Variants in MAN1A1 observed in about 807,000 individuals in gnomAD.
MAN1A1 encodes mannosyl-oligosaccharide 1,2-alpha-mannosidase IA.
Under a neutral mutation model 70.8 loss-of-function variants are expected in MAN1A1, and 29 were observed. The observed-to-expected ratio is 0.41, with a 90% confidence interval of 0.31 to 0.56. The LOEUF (loss-of-function observed/expected upper bound fraction) is 0.56. Ranked by LOEUF, MAN1A1 falls within the 20% of genes least tolerant of loss-of-function variation. MAN1A1 has a pLI of 0.29. For synonymous variants in MAN1A1, 349 were observed against 330.1 expected, an observed-to-expected ratio of 1.06 and a Z score of -0.62; for missense variants, 747 against 841.3, an observed-to-expected ratio of 0.89 and a Z score of 1.39.
At chr6:119,310,694 G>C (rs1772677666) in intron 2 of MAN1A1, among the ~76,000 whole-genome samples, 1 of 152,204 alleles carries the variant, frequency 6.6e-6, no homozygotes, top group Non-Finnish European at 1.5e-5. Context: ...ATACACAGGA[G>C]AAAGGGCTGT....
At chr6:119,186,679 C>T (rs1773299245) in intron 11 of MAN1A1, among the ~76,000 whole-genome samples, 1 of 152,218 alleles carries the variant, frequency 6.6e-6, no homozygotes, top group African/African-American at 2.4e-5. Context: ...TGGTTTCCAG[C>T]TGTGGTCTCA....
intron 11 of MAN1A1, among the ~76,000 whole-genome samples, chr6:119,185,076 C>G (rs977131715): frequency 3.3e-5 from 5 of 152,004 alleles, no homozygotes; most frequent in Admixed American, 2.6e-4. Flanking sequence ...TTTGTAAAGA[C>G]AGGGTGATGA....
At chr6:119,197,895 G>T (rs1773615496) in intron 8 of MAN1A1, among the ~76,000 whole-genome samples, 1 of 152,102 alleles carries the variant, frequency 6.6e-6, no homozygotes, top group Non-Finnish European at 1.5e-5. Context: ...TAGCATACAG[G>T]TGACCCAGAA....
In MAN1A1 at chr6:119,291,388, T is replaced by A. The variant is rs528289996; in HGVS notation, c.817-625A>T. 3.9e-5 allele frequency among the ~76,000 whole-genome samples: 6 copies of A among 152,150 alleles called. 1 individual carries two copies. The East Asian group carries it at 1.2e-3, about 29-fold the overall frequency. On this transcript the variant is annotated intron_variant, in intron 4 of 12. Transcript: ENST00000368468. ...CTTTATCAGCAGTGTGAAAACGGAC[T>A]AATGCAAGAGATAAAAATAATTTTG...
chr6:119,255,076 G>C (rs1775424496), intron 5 of MAN1A1, among the ~76,000 whole-genome samples: 1 of 152,084 alleles, frequency 6.6e-6, no homozygotes, highest in Non-Finnish European at 1.5e-5. Flanking sequence ...CTGTAAACAA[G>C]ACATATGGTT....
At chr6:119,180,246 T>C (rs1562179087) in intron 12 of MAN1A1, 66 bp downstream of exon 12, 1 of 1,088,310 alleles carries the variant, frequency 9.2e-7, no homozygotes, top group South Asian at 1.4e-5. Context: ...GTGTTCATGA[T>C]AAAGACATCT....
chr6:119,203,283 G>A (rs939344249), intron 7 of MAN1A1, among the ~76,000 whole-genome samples: 1 of 152,148 alleles, frequency 6.6e-6, no homozygotes, highest in Non-Finnish European at 1.5e-5. Flanking sequence ...GGAGGTGTTT[G>A]AGCAGAATAT....
chr6:119,278,282 A>C (rs6922115), intron 5 of MAN1A1, among the ~76,000 whole-genome samples: 1 of 151,450 alleles, frequency 6.6e-6, no homozygotes, highest in Non-Finnish European at 1.5e-5. Flanking sequence ...ACAGGTATAG[A>C]TGCATTAAAA....
intron 6 of MAN1A1, among the ~76,000 whole-genome samples, chr6:119,217,365 T>TC (rs1374830030): frequency 2.0e-5 from 3 of 152,082 alleles, no homozygotes; most frequent in Non-Finnish European, 4.4e-5. Context: ...CACTGCAATC[T>TC]CCCCCTCCCA....
intron 2 of MAN1A1, among the ~76,000 whole-genome samples, chr6:119,316,797 CA>C (rs1772865847): frequency 6.6e-6 from 1 of 151,854 alleles, no homozygotes; most frequent in Non-Finnish European, 1.5e-5. Flanking sequence ...TTAAACTTTA[CA>C]AATACTATGA....
At chr6:119,255,237 C>A (rs1315932800) in intron 5 of MAN1A1, among the ~76,000 whole-genome samples, 2 of 152,208 alleles carry the variant, frequency 1.3e-5, no homozygotes, top group East Asian at 3.8e-4. Flanking sequence ...TTGAAATACA[C>A]AATCAATATC....
rs971514268 is a variant in MAN1A1 at position 119,348,934 on chromosome 6, C to G, written c.132G>C (p.Leu44=). Reference sequence around the variant, plus strand: ...TGATGAAGGCGCTGAATACCAGCAGCAGCACGAACTTCTCCGTCAGGCGGA... The same window carrying G: ...TGATGAAGGCGCTGAATACCAGCAGGAGCACGAACTTCTCCGTCAGGCGGA... The part of the protein sequence containing the change: ...AALRLTEKFV[L]LLVFSAFITL... The change falls in exon 2 of 13, where the codon CTG becomes CTC. Residue 44 remains leucine (L), a synonymous_variant. Transcript: ENST00000368468. 1 of 1,534,596 alleles carries G rather than the reference C, an allele frequency of 6.5e-7. No homozygotes were observed. Among genetic ancestry groups the G allele is most frequent in the South Asian group, 1.2e-5 (1 of 82,534 alleles).
At chr6:119,216,520 G>T (rs1405467938) in intron 6 of MAN1A1, among the ~76,000 whole-genome samples, 1 of 152,178 alleles carries the variant, frequency 6.6e-6, no homozygotes, top group East Asian at 1.9e-4. Context: ...GGGGAAGAGT[G>T]AAGTAGGAGC....
At chr6:119,333,836 A>AT (rs1210909767) in intron 2 of MAN1A1, among the ~76,000 whole-genome samples, 1 of 152,196 alleles carries the variant, frequency 6.6e-6, no homozygotes, top group Non-Finnish European at 1.5e-5. Context: ...AAATGTCTAA[A>AT]TTCTAGTGCC....
At chr6:119,286,786 T>C (rs1338045356) in intron 5 of MAN1A1, among the ~76,000 whole-genome samples, 1 of 152,190 alleles carries the variant, frequency 6.6e-6, no homozygotes, top group Non-Finnish European at 1.5e-5. Flanking sequence ...CTATTCTAAA[T>C]GTCGTCTCTT....
At chr6:119,286,947 C>A (rs1197116640) in intron 5 of MAN1A1, among the ~76,000 whole-genome samples, 2 of 152,118 alleles carry the variant, frequency 1.3e-5, no homozygotes, top group Non-Finnish European at 2.9e-5. Context: ...CGTCCTATCT[C>A]CCTACTCTTC....
At chr6:119,246,061 A>T (rs951722329) in intron 6 of MAN1A1, among the ~76,000 whole-genome samples, 12 of 152,216 alleles carry the variant, frequency 7.9e-5, no homozygotes, top group African/African-American at 2.9e-4. Flanking sequence ...GGCAGTTGGA[A>T]ATAAACAGTA....
intron 5 of MAN1A1, among the ~76,000 whole-genome samples, chr6:119,279,772 G>C (rs566707850): frequency 1.3e-5 from 2 of 152,204 alleles, no homozygotes; most frequent in African/African-American, 4.8e-5. Context: ...ATCTGTCTTC[G>C]TGAATGCCAC....
upstream of MAN1A1, among the ~76,000 whole-genome samples, chr6:119,350,298 G>A (rs1171505234): frequency 6.6e-5 from 10 of 152,206 alleles, no homozygotes; most frequent in Admixed American, 5.9e-4. Flanking sequence ...CAAGGCCGGG[G>A]TTCCCCGGGT....
Sources: allele counts gnomAD v4.1 joint callset (sites outside exome capture counted in the v4.1 genomes callset), GRCh38; gene constraint gnomAD v4.1.1; transcripts MANE v1.5; gene names NCBI Gene and HGNC (gene_info 2026-07-23, HGNC 2026-07-21).